Variants in ABHD1 observed in about 807,000 individuals in gnomAD.
ABHD1 encodes the protein protein ABHD1.
Under a neutral mutation model 41.4 loss-of-function variants are expected in ABHD1, and 47 were observed. The ratio of observed to expected loss-of-function variants is 1.13; its 90% CI spans 0.90 to 1.45. The LOEUF (loss-of-function observed/expected upper bound fraction) is 1.45, where lower values mean the gene tolerates loss of function less well. Among genes scored for constraint, ABHD1 ranks in the 40% most tolerant of loss-of-function variants. The probability of loss-of-function intolerance (pLI) is 0.00; values close to 1 mark genes in which losing one functional copy is unlikely to be tolerated. For missense variants in ABHD1, 550 were observed against 503.4 expected (o/e 1.09, Z -0.89); for synonymous variants, 205 against 203.7 (o/e 1.01, Z -0.05).
rs759030905 is a variant in ABHD1, at chr2:27,129,811, A to T, written c.675A>T (p.Ala225=). The change falls in exon 6 of 9, where the codon GCA becomes GCT. Residue 225 remains alanine (A), a synonymous_variant. Coordinates refer to ENST00000316470, the MANE Select transcript of ABHD1 (RefSeq NM_032604.4). ...GGCAGGCTGCAGGGCTGGTGGCAGC[A>T]CTGACTCTGTCTGCATGCTGGGATT... ...QARQAAGLVA[A]LTLSACWDSF... 2.1e-5 allele frequency: 34 copies of T among 1,614,082 alleles called. No homozygotes were observed. Among genetic ancestry groups the T allele is most frequent in the Non-Finnish European group, 2.6e-5 (31 of 1,180,042 alleles).
chr2:27,128,336 C>G, intron 1 of ABHD1, 105 bp from the exon 2 acceptor site: 1 of 1,420,650 alleles, frequency 7.0e-7, no homozygotes, highest in Admixed American at 1.7e-5. Flanking sequence ...CAGGGTCCTC[C>G]AGGCTGGGCT....
rs768246311 is a variant in ABHD1, at chr2:27,129,004, A to C, written c.335A>C (p.Asp112Ala). The change falls in exon 3 of 9, where the codon GAC (aspartate) becomes GCC (alanine). Residue 112 changes from aspartate to alanine, a missense_variant. Asp to Ala is a moderately radical substitution (Grantham distance 126). Transcript: ENST00000316470. Reference sequence around the variant, plus strand: ...CTGCTAGACTGGGCCAAGCAGCCTGACAGCAGCCAAGACCCTGATCCTACT... The same window carrying C: ...CTGCTAGACTGGGCCAAGCAGCCTGCCAGCAGCCAAGACCCTGATCCTACT... The part of the protein sequence containing the change: ...QLLLDWAKQP[D>A]SSQDPDPTTQ... The C allele has an allele frequency of 1.1e-5, 17 of 1,614,080 alleles. No homozygotes were observed. In the Admixed American group the frequency reaches 2.2e-4, roughly 21 times the overall value.
intron 1 of ABHD1, among the ~76,000 whole-genome samples, chr2:27,127,336 T>C (rs1334840241): frequency 2.9e-5 from 4 of 136,880 alleles, no homozygotes; most frequent in East Asian, 2.4e-4. Context: ...GGGCGGATCA[T>C]GAGGTCAGGA....
intron 1 of ABHD1, chr2:27,125,612 T>C (rs571411717): frequency 6.6e-6 from 1 of 152,230 alleles, no homozygotes; most frequent in South Asian, 2.1e-4. Context: ...AAACTGATAG[T>C]AACTCAGCCG....
chr2:27,129,219 T>C, intron 3 of ABHD1, 92 bp downstream of exon 3: 1 of 1,595,124 alleles, frequency 6.3e-7, no homozygotes, highest in South Asian at 1.1e-5. Context: ...AGAAGAATGC[T>C]ACACAAAGGG....
At chr2:27,129,686 C>A in intron 5 of ABHD1, 60 bp downstream of exon 5, 1 of 1,609,424 alleles carries the variant, frequency 6.2e-7, no homozygotes, top group Non-Finnish European at 8.5e-7. Context: ...TCCTCCATGT[C>A]CCCTTCCTCT....
Position 27,130,369 on chromosome 2 carries a change from C to T in ABHD1, c.959C>T (p.Pro320Leu). The T allele has an allele frequency of 6.2e-7, 1 of 1,614,234 alleles. No individual in the cohort carries two copies. The highest frequency in any genetic ancestry group is 8.5e-7 in the Non-Finnish European group (1 of 1,180,052). Residue 320 changes from proline to leucine, a missense_variant, in exon 8 of 9, where the codon CCT becomes CTT. Physicochemically the swap from Pro to Leu is moderately conservative, Grantham distance 98. Coordinates refer to ENST00000316470, the MANE Select transcript of ABHD1 (RefSeq NM_032604.4). ...ACCAAGATAGATGCCATCCGGATCC[C>T]TGTGCTCTATCTCAGTGCAGCAGAT... ...PRTKIDAIRI[P>L]VLYLSAADDP...
Position 27,124,630 on chromosome 2 carries a change from G to A in ABHD1, c.114+568G>A, listed in dbSNP as rs1387598562. ...TGAAGAGGTTGATTTTGATGAATTT[G>A]GAGACTTTTCTCACTGAAATTTAGA... On this transcript the variant is annotated intron_variant, in intron 1 of 8. Coordinates refer to ENST00000316470, the MANE Select transcript of ABHD1 (RefSeq NM_032604.4). 6 of 194,434 alleles carry A rather than the reference G, an allele frequency of 3.1e-5. No homozygotes were observed. The South Asian group carries it at 4.4e-4, about 14-fold the overall frequency. The allele number at this position is 194,434 out of a possible 1,614,324, so 12.0% of individuals were successfully genotyped here. A position where few individuals can be genotyped will look rare whatever the true frequency, so the allele number is the denominator to read the frequency against.
chr2:27,128,125 C>G (rs1672050232), intron 1 of ABHD1, among the ~76,000 whole-genome samples: 1 of 152,196 alleles, frequency 6.6e-6, no homozygotes, highest in South Asian at 2.1e-4. Context: ...TTTACATCAC[C>G]TGCTCTCTCC....
At position 27,130,602 on chromosome 2, in the gene ABHD1, T is replaced by C. The variant is rs1174900329; in HGVS notation, c.1076T>C (p.Ile359Thr). 6.2e-7 allele frequency: 1 copy of C among 1,614,182 alleles called. No homozygotes were observed. Among genetic ancestry groups the C allele is most frequent in the Admixed American group, 1.7e-5 (1 of 60,022 alleles). ...ALLITARGGHIGFLEGLLPWQ... is the reference protein window; with the variant it reads ...ALLITARGGHTGFLEGLLPWQ... ...CTCATCACAGCCCGGGGTGGCCACA[T>C]CGGCTTCCTGGAAGGGCTGCTCCCG... The change falls in exon 9 of 9, where the codon ATC (isoleucine) becomes ACC (threonine). Residue 359 changes from isoleucine to threonine, a missense_variant. Ile to Thr is a moderately conservative substitution (Grantham distance 89). Transcript: ENST00000316470.
chr2:27,130,092 T>A lies in ABHD1; in HGVS notation c.792-13T>A. The A allele has an allele frequency of 6.2e-7, 1 of 1,614,228 alleles. No homozygotes were observed. Among genetic ancestry groups the A allele is most frequent in the South Asian group, 1.1e-5 (1 of 91,084 alleles). On this transcript the variant is annotated splice_polypyrimidine_tract_variant and intron_variant, in intron 6 of 8. Transcript: ENST00000316470. ...ATCCAGGTGTCAAGCCAAACTCTTA[T>A]GTACTTTTGCAGAAACAGAAAGGTG... is the stretch of plus-strand genomic sequence containing the variant.
At chr2:27,129,709 A>G (rs1487767346) in intron 5 of ABHD1, 45 bp from the exon 6 acceptor site, 1 of 1,611,552 alleles carries the variant, frequency 6.2e-7, no homozygotes. Flanking sequence ...CCCAACCCAC[A>G]TTAATGCAAA....
intron 1 of ABHD1, among the ~76,000 whole-genome samples, chr2:27,127,444 C>T: frequency 7.1e-6 from 1 of 139,966 alleles, no homozygotes; most frequent in Non-Finnish European, 1.5e-5. Context: ...GTCCCAGCTA[C>T]TTGGGAGGCT....
chr2:27,123,866 G>A lies in ABHD1; in HGVS notation c.-83G>A, dbSNP rs1273130067. 2.6e-6 allele frequency: 3 copies of A among 1,138,924 alleles called. No individual in the cohort carries two copies. The highest frequency in any genetic ancestry group is 3.8e-6 in the Non-Finnish European group (3 of 795,386). The allele number at this position is 1,138,924 out of a possible 1,614,324, so 70.6% of individuals were successfully genotyped here. A position where few individuals can be genotyped will look rare whatever the true frequency, so the allele number is the denominator to read the frequency against. On this transcript the variant is annotated 5_prime_UTR_variant, in exon 1 of 9. Transcript: ENST00000316470. The stretch of plus-strand genomic sequence containing the variant: ...ACCGGACCTGCACAGGCCGCCTATG[G>A]CGGGCGGCGGGTGGGACCGCGAGTT...
In ABHD1 at chr2:27,130,258, C is replaced by G; in HGVS notation, c.848C>G (p.Thr283Arg). The G allele has an allele frequency of 6.2e-7, 1 of 1,614,160 alleles. No individual in the cohort carries two copies. Among genetic ancestry groups the G allele is most frequent in the Non-Finnish European group, 8.5e-7 (1 of 1,180,026 alleles). Residue 283 changes from threonine (T) to arginine (R), a missense_variant, in exon 8 of 9, where the codon ACA becomes AGA. Physicochemically the swap from Thr to Arg is moderately conservative, Grantham distance 71. Transcript: ENST00000316470. Reference protein sequence around the residue: ...VDIDFVLQARTIRQFDERYTS... With the variant: ...VDIDFVLQARRIRQFDERYTS... ...CTATGGTAAGACCTGCAGGCCCGTA[C>G]AATCCGCCAGTTTGATGAGCGCTAC...
chr2:27,126,520 A>G (rs1199262938), intron 1 of ABHD1: 1 of 152,266 alleles, frequency 6.6e-6, no homozygotes, highest in African/African-American at 2.4e-5. Context: ...CACTGCGGAT[A>G]TGCAGTTTCT....
chr2:27,129,041 T>C lies in ABHD1; in HGVS notation c.372T>C (p.Ile124=). The change falls in exon 3 of 9, where the codon ATT becomes ATC. Residue 124 remains isoleucine, a synonymous_variant. Coordinates refer to ENST00000316470, the MANE Select transcript of ABHD1 (RefSeq NM_032604.4). ...SQDPDPTTQP[I]VLLLPGITGS... ...ACCCTGATCCTACTACCCAGCCCATTGTGCTGCTGCTTCCTGGCATCACTG... is the reference window on the plus strand; with the variant it reads ...ACCCTGATCCTACTACCCAGCCCATCGTGCTGCTGCTTCCTGGCATCACTG... 6.2e-7 allele frequency: 1 copy of C among 1,614,198 alleles called. No homozygotes were observed. The highest frequency in any genetic ancestry group is 8.5e-7 in the Non-Finnish European group (1 of 1,180,030).
chr2:27,127,858 C>G (rs1672037828), intron 1 of ABHD1, among the ~76,000 whole-genome samples: 1 of 152,066 alleles, frequency 6.6e-6, no homozygotes, highest in Non-Finnish European at 1.5e-5. Context: ...CTGCGCCCGG[C>G]CGGCTTCATT....
chr2:27,127,000 T>C (rs980968268), intron 1 of ABHD1: 1 of 149,838 alleles, frequency 6.7e-6, no homozygotes, highest in Middle Eastern at 3.6e-3. Flanking sequence ...TAGTCCCAGC[T>C]ACTCGGGAGG....
Sources: allele counts gnomAD v4.1 joint callset (sites outside exome capture counted in the v4.1 genomes callset), GRCh38; gene constraint gnomAD v4.1.1; transcripts MANE v1.5; gene names NCBI Gene and HGNC (gene_info 2026-07-23, HGNC 2026-07-21).